Variants in PAX3 observed in about 807,000 individuals in gnomAD.
PAX3 encodes the protein paired box protein Pax-3.
Under a neutral mutation model 51.6 loss-of-function variants are expected in PAX3, and 14 were observed. That is an observed-to-expected ratio of 0.27 (90% CI 0.18 to 0.42). The LOEUF is 0.42. PAX3 is among the 10% of genes least tolerant of loss of function. The pLI, the probability that PAX3 is intolerant of heterozygous loss-of-function variation, is 1.00. For missense variants in PAX3, 540 were observed against 642.8 expected, an observed-to-expected ratio of 0.84 and a Z score of 1.73; for synonymous variants, 280 against 253.4, an observed-to-expected ratio of 1.11 and a Z score of -1.00.
chr2:222,243,156 T>TA lies in PAX3; in HGVS notation c.587-10874dup, dbSNP rs532240122. 1.3e-3 allele frequency among the ~76,000 whole-genome samples: 202 copies of TA among 151,620 alleles called. 1 individual carries two copies. The highest frequency in any genetic ancestry group is 2.3e-3 in the African/African-American group (94 of 41,356). On this transcript the variant is annotated intron_variant, in intron 4 of 8. Transcript: ENST00000392070. ...AGCATGACACGAGATGTTTGGAAAA[T>TA]AAAAAAAAGGCAGGTTTTAGAAGAA...
At chr2:222,226,644 T>C (rs1692395639) in intron 5 of PAX3, among the ~76,000 whole-genome samples, 1 of 151,534 alleles carries the variant, frequency 6.6e-6, no homozygotes, top group Non-Finnish European at 1.5e-5. Context: ...TTTTTAGGAA[T>C]TCCAAATTAC....
In PAX3 at chr2:222,298,693, G is replaced by A. The variant is rs1043913494; in HGVS notation, c.-78C>T. 7.9e-6 allele frequency: 11 copies of A among 1,383,792 alleles called. No individual in the cohort carries two copies. In the Admixed American group the frequency reaches 2.0e-4, roughly 25 times the overall value. The allele number at this position is 1,383,792 out of a possible 1,614,324, so 85.7% of individuals were successfully genotyped here. A position where few individuals can be genotyped will look rare whatever the true frequency, so the allele number is the denominator to read the frequency against. ...GGCGAGTGCGGCGCGGATGACCCTC[G>A]GGAACTATCCGGAGCGTGGAGAGCC... On this transcript the variant is annotated 5_prime_UTR_variant, in exon 1 of 9. Transcript: ENST00000392070.
At chr2:222,296,488 T>G (rs1428141131) in intron 2 of PAX3, among the ~76,000 whole-genome samples, 1 of 152,196 alleles carries the variant, frequency 6.6e-6, no homozygotes, top group Non-Finnish European at 1.5e-5. Flanking sequence ...CAAAGAAAAC[T>G]GATCACCCTA....
At chr2:222,288,807 G>A (rs1207425842) in intron 4 of PAX3, among the ~76,000 whole-genome samples, 3 of 152,176 alleles carry the variant, frequency 2.0e-5, no homozygotes, top group Non-Finnish European at 4.4e-5. Context: ...TTCTTAAAGA[G>A]AATTTGGTCA....
chr2:222,227,119 T>G (rs1377601176), intron 5 of PAX3, among the ~76,000 whole-genome samples: 1 of 152,104 alleles, frequency 6.6e-6, no homozygotes, highest in Non-Finnish European at 1.5e-5. Context: ...ATTAAGTAAC[T>G]TGCTCAACAA....
At chr2:222,232,418 C>G in intron 4 of PAX3, 135 bp from the exon 5 acceptor site, 1 of 756,290 alleles carries the variant, frequency 1.3e-6, no homozygotes, top group Non-Finnish European at 2.1e-6. Flanking sequence ...AAATGTGGAT[C>G]AAAAAACAAG....
At position 222,228,715 on chromosome 2, in the gene PAX3, A is replaced by G. The variant is rs1288736679; in HGVS notation, c.792+3363T>C. On this transcript the variant is annotated intron_variant, in intron 5 of 8. Transcript: ENST00000392070. The stretch of plus-strand genomic sequence containing the variant: ...TTTGAGACGCTGAGGAGGGAGGATC[A>G]CTTGAGTCCAGGAGCTCAAGACCAA... 2.0e-5 allele frequency among the ~76,000 whole-genome samples: 3 copies of G among 152,154 alleles called. 1 individual carries two copies. The highest frequency in any genetic ancestry group is 4.8e-5 in the African/African-American group (2 of 41,446).
At chr2:222,297,349 C>T in intron 1 of PAX3, 136 bp from the exon 2 acceptor site, 11 of 723,264 alleles carry the variant, frequency 1.5e-5, no homozygotes, top group Non-Finnish European at 2.8e-5. Context: ...TGCTCGACAT[C>T]GGACTCCCAG....
chr2:222,234,942 T>C (rs768409158), intron 4 of PAX3, among the ~76,000 whole-genome samples: 4 of 152,184 alleles, frequency 2.6e-5, no homozygotes, highest in Non-Finnish European at 4.4e-5. Context: ...AAACACTCAA[T>C]AGCATTTAAA....
chr2:222,249,051 G>A (rs45478494), intron 4 of PAX3, among the ~76,000 whole-genome samples: 11 of 152,086 alleles, frequency 7.2e-5, no homozygotes, highest in African/African-American at 1.9e-4. Flanking sequence ...TACCAATGGA[G>A]AAAAAAACTG....
chr2:222,243,299 A>G (rs925355016), intron 4 of PAX3, among the ~76,000 whole-genome samples: 1 of 152,252 alleles, frequency 6.6e-6, no homozygotes, highest in Non-Finnish European at 1.5e-5. Context: ...CCTTGAAAGG[A>G]GCCCTGAACC....
chr2:222,267,228 A>C (rs1363713513), intron 4 of PAX3, among the ~76,000 whole-genome samples: 2 of 152,188 alleles, frequency 1.3e-5, no homozygotes, highest in Non-Finnish European at 2.9e-5. Context: ...GAAAAAAGAG[A>C]CTAGAAGGAC....
At chr2:222,203,653 C>T (rs895142072) in intron 7 of PAX3, among the ~76,000 whole-genome samples, 4 of 151,940 alleles carry the variant, frequency 2.6e-5, no homozygotes, top group East Asian at 1.9e-4. Context: ...AGGCGGGGGG[C>T]GGGTCTAGTT....
chr2:222,219,119 G>A (rs1341115905), intron 7 of PAX3, among the ~76,000 whole-genome samples: 1 of 152,076 alleles, frequency 6.6e-6, no homozygotes, highest in African/African-American at 2.4e-5. Context: ...CTATTAGAAT[G>A]CCCTCTTGGT....
chr2:222,230,805 A>T (rs867061414), intron 5 of PAX3, among the ~76,000 whole-genome samples: 1 of 137,032 alleles, frequency 7.3e-6, no homozygotes, highest in South Asian at 2.4e-4. Context: ...CAGTGAGCTG[A>T]GGTTGTACCA....
At chr2:222,265,692 G>GGA (rs1559296349) in intron 4 of PAX3, among the ~76,000 whole-genome samples, 3 of 26,976 alleles carry the variant, frequency 1.1e-4, no homozygotes, top group African/African-American at 3.0e-4. Flanking sequence ...GGAAGGAAGG[G>GGA]AGAAAGATTG....
chr2:222,265,690 G>GAAA (rs1694030037), intron 4 of PAX3, among the ~76,000 whole-genome samples: 3 of 151,012 alleles, frequency 2.0e-5, no homozygotes, highest in Admixed American at 2.0e-4. Context: ...AAGGAAGGAA[G>GAAA]GGAGAAAGAT....
At chr2:222,251,785 T>A (rs906677909) in intron 4 of PAX3, among the ~76,000 whole-genome samples, 1 of 152,200 alleles carries the variant, frequency 6.6e-6, no homozygotes, top group Non-Finnish European at 1.5e-5. Flanking sequence ...TTTCCTGACT[T>A]TTTAATGATC....
At chr2:222,283,620 A>G (rs978439191) in intron 4 of PAX3, among the ~76,000 whole-genome samples, 2 of 152,238 alleles carry the variant, frequency 1.3e-5, no homozygotes, top group Admixed American at 1.3e-4. Context: ...GTTGGCCCCC[A>G]TAATCCAGGA....
Sources: gnomAD v4.1 joint callset for allele counts (sites outside exome capture counted in the v4.1 genomes callset) on GRCh38, gnomAD v4.1.1 for gene constraint, MANE v1.5 for transcripts, NCBI Gene and HGNC (gene_info 2026-07-23, HGNC 2026-07-21) for gene names.